The following TM9SF4 variants were observed in gnomAD, a reference collection of about 807,000 sequenced individuals.
TM9SF4 encodes transmembrane 9 superfamily member 4.
Under a neutral mutation model 90.4 loss-of-function variants are expected in TM9SF4, and 26 were observed. The ratio of observed to expected loss-of-function variants is 0.29; its 90% CI spans 0.21 to 0.40. The LOEUF (loss-of-function observed/expected upper bound fraction) is 0.40, where lower values mean the gene tolerates loss of function less well. Ranked by LOEUF, TM9SF4 falls within the 10% of genes least tolerant of loss-of-function variation. The probability of loss-of-function intolerance (pLI) is 1.00; values close to 1 mark genes in which losing one functional copy is unlikely to be tolerated. For synonymous variants in TM9SF4, 293 were observed against 315.4 expected, an observed-to-expected ratio of 0.93 and a Z score of 0.75; for missense variants, 549 against 834.8, an observed-to-expected ratio of 0.66 and a Z score of 4.22.
intron 1 of TM9SF4, 105 bp from the exon 2 acceptor site, chr20:32,132,908 C>A: frequency 1.0e-6 from 1 of 969,920 alleles, no homozygotes; most frequent in Non-Finnish European, 1.6e-6. Context: ...AGGGTGGCTA[C>A]ACTGGGTCAA....
chr20:32,146,060 A>G (rs12479832), intron 8 of TM9SF4, among the ~76,000 whole-genome samples: 21,012 of 152,242 alleles, frequency 0.14, 1,521 homozygotes, highest in East Asian at 0.18. Flanking sequence ...TGGTTTCACT[A>G]TCATATGAGA....
chr20:32,163,261 AAAAAAAAAT>A (rs1258352879), intron 17 of TM9SF4, among the ~76,000 whole-genome samples: 19 of 74,388 alleles, frequency 2.6e-4, no homozygotes, highest in African/African-American at 1.0e-3. Flanking sequence ...AAAAAAAAAA[AAAAAAAAAT>A]ATATATATAT....
chr20:32,124,516 CTG>C (rs1234891651), intron 1 of TM9SF4, among the ~76,000 whole-genome samples: 2 of 152,090 alleles, frequency 1.3e-5, no homozygotes, highest in African/African-American at 2.4e-5. Context: ...AGATAACTTG[CTG>C]TGTGACCGTG....
intron 6 of TM9SF4, 101 bp downstream of exon 6, chr20:32,143,206 T>C (rs1222340249): frequency 6.9e-7 from 1 of 1,456,394 alleles, no homozygotes; most frequent in Admixed American, 2.1e-5. Context: ...GCCGATGGGC[T>C]CGGGTGTGGC....
intron 1 of TM9SF4, among the ~76,000 whole-genome samples, chr20:32,120,009 G>T (rs1455159509): frequency 6.6e-6 from 1 of 152,144 alleles, no homozygotes; most frequent in African/African-American, 2.4e-5. Flanking sequence ...ATTTTCCACT[G>T]ATCTTTATGC....
intron 1 of TM9SF4, chr20:32,116,687 C>CTTTA (rs2046228146): frequency 6.6e-6 from 1 of 152,100 alleles, no homozygotes; most frequent in Admixed American, 6.6e-5. Flanking sequence ...TCTGTGAGTT[C>CTTTA]TTTAGTTCCA....
At chr20:32,115,395 G>A (rs1009368565) in intron 1 of TM9SF4, among the ~76,000 whole-genome samples, 1 of 152,194 alleles carries the variant, frequency 6.6e-6, no homozygotes, top group Non-Finnish European at 1.5e-5. Flanking sequence ...GACCCAGGAT[G>A]AGAAGAGCCA....
rs145547195 is a variant in TM9SF4, at chr20:32,159,157, G to A, written c.1569+643G>A. On this transcript the variant is annotated intron_variant, in intron 15 of 17. Coordinates refer to ENST00000398022, the MANE Select transcript of TM9SF4 (RefSeq NM_014742.4). ...GGTCCTTGCACATCTTTACCTCTCT[G>A]TGTTACTCACAGCTCCTGGGAGGGT... 9.2e-3 allele frequency: 1,401 copies of A among 152,428 alleles called. 15 individuals are homozygous for A. The highest frequency in any genetic ancestry group is 0.036 in the South Asian group (174 of 4,824). 9.4% of individuals were successfully genotyped at this position (152,428 alleles called of 1,614,324 possible). A position where few individuals can be genotyped will look rare whatever the true frequency, so the allele number is the denominator to read the frequency against.
chr20:32,111,291 A>G (rs1471788518), intron 1 of TM9SF4, among the ~76,000 whole-genome samples: 8 of 152,226 alleles, frequency 5.3e-5, no homozygotes, highest in Admixed American at 5.2e-4. Context: ...CAGAACAGAG[A>G]TAGTGTAAGA....
intron 13 of TM9SF4, among the ~76,000 whole-genome samples, chr20:32,156,415 T>C (rs1321415): frequency 0.42 from 64,285 of 151,936 alleles, 13,966 homozygotes; most frequent in East Asian, 0.74. Context: ...TCATAGGGGA[T>C]TGGTTCCAGG....
chr20:32,158,444 G>A lies in TM9SF4; in HGVS notation c.1506-7G>A. 1.9e-6 allele frequency: 3 copies of A among 1,614,162 alleles called. No homozygotes were observed. The highest frequency in any genetic ancestry group is 2.5e-6 in the Non-Finnish European group (3 of 1,180,020). On this transcript the variant is annotated splice_region_variant and splice_polypyrimidine_tract_variant and intron_variant, in intron 14 of 17. Transcript: ENST00000398022. Reference sequence around the variant, plus strand: ...TCTAACAATGTCAACCTCTCGTTCTGTGGCAGCATCCTCATGGCTGGGATC... The same window carrying A: ...TCTAACAATGTCAACCTCTCGTTCTATGGCAGCATCCTCATGGCTGGGATC...
intron 1 of TM9SF4, among the ~76,000 whole-genome samples, chr20:32,120,953 T>C (rs1399709212): frequency 6.6e-6 from 1 of 152,240 alleles, no homozygotes; most frequent in Admixed American, 6.5e-5. Flanking sequence ...GATTTTCAAA[T>C]ATTAAGCCAA....
intron 14 of TM9SF4, 70 bp from the exon 15 acceptor site, chr20:32,158,380 AG>A: frequency 6.8e-7 from 1 of 1,479,688 alleles, no homozygotes; most frequent in Non-Finnish European, 9.4e-7. Context: ...TCTTCATGCC[AG>A]CTTGGGAAGG....
At chr20:32,123,621 T>G (rs1392155380) in intron 1 of TM9SF4, among the ~76,000 whole-genome samples, 2 of 151,408 alleles carry the variant, frequency 1.3e-5, no homozygotes, top group Non-Finnish European at 2.9e-5. Flanking sequence ...TCTTTCTCTT[T>G]GGTGTATTTT....
At chr20:32,123,392 C>G (rs1361144663) in intron 1 of TM9SF4, among the ~76,000 whole-genome samples, 1 of 151,528 alleles carries the variant, frequency 6.6e-6, no homozygotes, top group Non-Finnish European at 1.5e-5. Context: ...CTTTATAACT[C>G]TGTTAAGCAA....
At chr20:32,118,550 G>A (rs559980025) in intron 1 of TM9SF4, among the ~76,000 whole-genome samples, 16 of 151,746 alleles carry the variant, frequency 1.1e-4, no homozygotes, top group South Asian at 4.2e-4. Flanking sequence ...ATCCTCCCAC[G>A]TAATTATAGG....
chr20:32,114,348 T>G (rs1471558463), intron 1 of TM9SF4, among the ~76,000 whole-genome samples: 3 of 152,192 alleles, frequency 2.0e-5, no homozygotes, highest in Non-Finnish European at 4.4e-5. Flanking sequence ...TATTATTATT[T>G]GAGACAGGGT....
At chr20:32,149,086 G>A (rs1465915657) in intron 9 of TM9SF4, among the ~76,000 whole-genome samples, 1 of 152,068 alleles carries the variant, frequency 6.6e-6, no homozygotes, top group Non-Finnish European at 1.5e-5. Context: ...ATTGTTTAAA[G>A]CATACATATA....
intron 1 of TM9SF4, among the ~76,000 whole-genome samples, chr20:32,112,076 T>C (rs993531446): frequency 6.6e-6 from 1 of 152,126 alleles, no homozygotes; most frequent in Admixed American, 6.6e-5. Context: ...ACAGAGGCTG[T>C]GGAAAGGAGT....
Sources: allele counts gnomAD v4.1 joint callset (sites outside exome capture counted in the v4.1 genomes callset), GRCh38; gene constraint gnomAD v4.1.1; transcripts MANE v1.5; gene names NCBI Gene and HGNC (gene_info 2026-07-23, HGNC 2026-07-21).